Variants in KSR2 observed in about 807,000 individuals in gnomAD.
KSR2 encodes the protein kinase suppressor of ras 2.
A neutral mutation model predicts 107.8 loss-of-function variants in KSR2; 25 were observed. That is an observed-to-expected ratio of 0.23 (90% CI 0.17 to 0.32). The LOEUF (loss-of-function observed/expected upper bound fraction) is 0.32, where lower values mean the gene tolerates loss of function less well. Among genes scored for constraint, KSR2 ranks in the 10% least tolerant of loss-of-function variants. The probability of loss-of-function intolerance (pLI) is 1.00; values close to 1 mark genes in which losing one functional copy is unlikely to be tolerated. For missense variants in KSR2, 887 were observed against 1,268.9 expected (o/e 0.70, Z 4.57); for synonymous variants, 480 against 507.0 (o/e 0.95, Z 0.71).
rs891122194 is a variant in KSR2 at position 117,968,831 on chromosome 12, C to T, written c.-576G>A. On this transcript the variant is annotated 5_prime_UTR_variant, in exon 1 of 20. Coordinates refer to ENST00000339824, the MANE Select transcript of KSR2 (RefSeq NM_173598.6). ...AGTGCTTTAGCGCGTTCTCAAGGTG[C>T]TGTCTGCATTGCTCCCGCGGCTGCG... 1.5e-5 allele frequency: 3 copies of T among 197,166 alleles called. No homozygotes were observed. The highest frequency in any genetic ancestry group is 1.2e-4 in the South Asian group (2 of 16,416). The allele number at this position is 197,166 out of a possible 1,614,324, so 12.2% of individuals were successfully genotyped here.
chr12:117,792,343 CTG>C (rs1041355372), intron 3 of KSR2, among the ~76,000 whole-genome samples: 9 of 149,946 alleles, frequency 6.0e-5, no homozygotes, highest in African/African-American at 2.2e-4. Context: ...GAGTGAGACA[CTG>C]TCTTTAAAAA....
At chr12:117,852,442 A>C (rs1593305705) in intron 3 of KSR2, among the ~76,000 whole-genome samples, 1 of 152,078 alleles carries the variant, frequency 6.6e-6, no homozygotes, top group South Asian at 2.1e-4. Context: ...ATAAATAAAT[A>C]AATAAATAAA....
chr12:117,578,601 CAAAAAA>C (rs66919524), intron 7 of KSR2, among the ~76,000 whole-genome samples: 6 of 103,978 alleles, frequency 5.8e-5, no homozygotes, highest in Admixed American at 1.1e-4. Context: ...GACTCCATCT[CAAAAAA>C]AAAAAAAAAA....
intron 5 of KSR2, among the ~76,000 whole-genome samples, chr12:117,642,718 G>A (rs1165121626): frequency 6.6e-6 from 1 of 152,200 alleles, no homozygotes; most frequent in Non-Finnish European, 1.5e-5. Flanking sequence ...TGCTGATCTT[G>A]TGATGACTGA....
intron 10 of KSR2, among the ~76,000 whole-genome samples, chr12:117,538,273 C>A (rs574257948): frequency 6.6e-6 from 1 of 152,224 alleles, no homozygotes; most frequent in South Asian, 2.1e-4. Flanking sequence ...GATGAGTGGC[C>A]CCTACACTAG....
intron 3 of KSR2, among the ~76,000 whole-genome samples, chr12:117,765,133 G>C (rs1384909936): frequency 1.3e-5 from 2 of 152,242 alleles, no homozygotes; most frequent in African/African-American, 4.8e-5. Context: ...ACAGAACAGA[G>C]AATCAAGTTA....
chr12:117,534,513 A>T (rs1875894508), intron 10 of KSR2, among the ~76,000 whole-genome samples: 1 of 152,218 alleles, frequency 6.6e-6, no homozygotes, highest in Admixed American at 6.5e-5. Flanking sequence ...AGCCTTCATC[A>T]CAATCTATAA....
intron 4 of KSR2, among the ~76,000 whole-genome samples, chr12:117,698,694 T>C (rs1886172005): frequency 6.6e-6 from 1 of 152,114 alleles, no homozygotes; most frequent in Non-Finnish European, 1.5e-5. Flanking sequence ...TACACCCAGA[T>C]CCAGAGCTCC....
chr12:117,776,551 T>C (rs1443658492), intron 3 of KSR2, among the ~76,000 whole-genome samples: 2 of 152,100 alleles, frequency 1.3e-5, no homozygotes, highest in African/African-American at 4.8e-5. Context: ...TTTTCAAGTA[T>C]ATCTATATTG....
intron 9 of KSR2, among the ~76,000 whole-genome samples, chr12:117,541,932 C>T (rs1876521592): frequency 6.6e-6 from 1 of 151,930 alleles, no homozygotes; most frequent in South Asian, 2.1e-4. Context: ...GCGGCCTGGG[C>T]TGGAGGGTAA....
intron 5 of KSR2, among the ~76,000 whole-genome samples, chr12:117,593,555 AATGGAATTAATTTACAG>A (rs1352354288): frequency 2.0e-5 from 3 of 152,240 alleles, no homozygotes; most frequent in Non-Finnish European, 2.9e-5. Context: ...GAATGTGCAA[AATGGAATTAATTTACAG>A]ATGCGGGCCT....
chr12:117,904,270 T>C (rs1194116922), intron 1 of KSR2, among the ~76,000 whole-genome samples: 1 of 152,136 alleles, frequency 6.6e-6, no homozygotes, highest in Admixed American at 6.6e-5. Context: ...AGGAATCTCC[T>C]CCATGCCTGG....
At chr12:117,620,823 A>G (rs537332792) in intron 5 of KSR2, among the ~76,000 whole-genome samples, 12 of 152,282 alleles carry the variant, frequency 7.9e-5, no homozygotes, top group African/African-American at 2.9e-4. Flanking sequence ...AGACTTAACA[A>G]TAAGTTCTGG....
At chr12:117,642,569 T>C (rs1883426924) in intron 5 of KSR2, among the ~76,000 whole-genome samples, 2 of 152,212 alleles carry the variant, frequency 1.3e-5, no homozygotes, top group Admixed American at 1.3e-4. Context: ...TGGACCATGT[T>C]GTCCTCATTT....
At position 117,462,422 on chromosome 12, in the gene KSR2, GGACACACAGAGA is replaced by G. The variant is rs1159425194; in HGVS notation, c.*4765_*4776del. ...TAAGAAGATGGCCATATGAAGATAG[GGACACACAGAGA>G]GATGATGAGGGCAGGGATTGGACTG... On this transcript the variant is annotated 3_prime_UTR_variant, in exon 20 of 20. Coordinates refer to ENST00000339824, the MANE Select transcript of KSR2 (RefSeq NM_173598.6). The G allele has an allele frequency of 6.6e-5, 10 of 152,088 alleles. No individual in the cohort carries two copies. Among genetic ancestry groups the G allele is most frequent in the African/African-American group, 2.4e-4 (10 of 41,478 alleles). The allele number at this position is 152,088 out of a possible 1,614,324, so 9.4% of individuals were successfully genotyped here.
chr12:117,736,351 CCTGT>C (rs770595412), intron 4 of KSR2, among the ~76,000 whole-genome samples: 14 of 152,136 alleles, frequency 9.2e-5, no homozygotes, highest in African/African-American at 2.4e-4. Context: ...GAGGAATTTG[CCTGT>C]CTGTCTGTCT....
chr12:117,836,248 G>A (rs989761494), intron 3 of KSR2, among the ~76,000 whole-genome samples: 3 of 152,096 alleles, frequency 2.0e-5, no homozygotes, highest in Non-Finnish European at 2.9e-5. Context: ...TCAACTGTCG[G>A]TACCCATCAT....
At chr12:117,784,849 C>T (rs1393949756) in intron 3 of KSR2, among the ~76,000 whole-genome samples, 1 of 152,110 alleles carries the variant, frequency 6.6e-6, no homozygotes, top group Non-Finnish European at 1.5e-5. Context: ...AAATGCTGCC[C>T]ACACTTGGAA....
At chr12:117,727,940 G>C (rs1231752149) in intron 4 of KSR2, among the ~76,000 whole-genome samples, 1 of 152,202 alleles carries the variant, frequency 6.6e-6, no homozygotes, top group African/African-American at 2.4e-5. Context: ...ACAACATGTT[G>C]AGTGAAAGAA....
Sources: gnomAD v4.1 joint callset for allele counts (sites outside exome capture counted in the v4.1 genomes callset) on GRCh38, gnomAD v4.1.1 for gene constraint, MANE v1.5 for transcripts, NCBI Gene and HGNC (gene_info 2026-07-23, HGNC 2026-07-21) for gene names.